EIF4E: variants seen among roughly 807,000 people sequenced by gnomAD.
EIF4E encodes the protein eukaryotic translation initiation factor 4E, also known as eIF-4F 25 kDa subunit.
For missense variants in EIF4E, 113 were observed against 265.6 expected (o/e 0.43, Z 3.99); for synonymous variants, 71 against 88.5 (o/e 0.80, Z 1.11).
At chr4:98,909,182 A>G (rs1469598917) in intron 1 of EIF4E, among the ~76,000 whole-genome samples, 1 of 152,222 alleles carries the variant, frequency 6.6e-6, no homozygotes, top group Admixed American at 6.5e-5. Flanking sequence ...AAGCAACTAT[A>G]TAGTGAGTTT....
intron 2 of EIF4E, among the ~76,000 whole-genome samples, chr4:98,899,670 G>A (rs1276529864): frequency 1.3e-5 from 2 of 152,124 alleles, no homozygotes; most frequent in African/African-American, 4.8e-5. Flanking sequence ...AAAATATATG[G>A]TGGTATATCA....
chr4:98,914,988 G>C (rs995861791), intron 1 of EIF4E, among the ~76,000 whole-genome samples: 2 of 152,174 alleles, frequency 1.3e-5, no homozygotes, highest in Non-Finnish European at 2.9e-5. Flanking sequence ...CTGATGCCCA[G>C]GCTGGAGTGC....
At chr4:98,914,361 C>CAAAAAAAAAAAAA (rs1159581783) in intron 1 of EIF4E, among the ~76,000 whole-genome samples, 4 of 34,830 alleles carry the variant, frequency 1.1e-4, no homozygotes, top group African/African-American at 4.2e-4. Flanking sequence ...GACTCCGTCT[C>CAAAAAAAAAAAAA]AAAAAAAAAA....
chr4:98,896,387 T>TGGGGAC (rs896804314), intron 2 of EIF4E, among the ~76,000 whole-genome samples: 8 of 135,832 alleles, frequency 5.9e-5, no homozygotes, highest in African/African-American at 2.2e-4. Flanking sequence ...GGGACAGGGA[T>TGGGGAC]GGGGACAGGG....
At chr4:98,898,442 A>G (rs1724510210) in intron 2 of EIF4E, among the ~76,000 whole-genome samples, 1 of 152,080 alleles carries the variant, frequency 6.6e-6, no homozygotes, top group Non-Finnish European at 1.5e-5. Context: ...CCCCGTCTCT[A>G]TTAGAAACTA....
intron 2 of EIF4E, among the ~76,000 whole-genome samples, chr4:98,892,722 T>C (rs563063003): frequency 6.6e-6 from 1 of 150,448 alleles, no homozygotes; most frequent in Non-Finnish European, 1.5e-5. Flanking sequence ...ACAGGTTGGC[T>C]GATATTTCTC....
At chr4:98,910,756 T>G (rs888078683) in intron 1 of EIF4E, among the ~76,000 whole-genome samples, 4 of 151,552 alleles carry the variant, frequency 2.6e-5, no homozygotes, top group Non-Finnish European at 5.9e-5. Flanking sequence ...TTGAGACAGA[T>G]TCTCACTCTG....
chr4:98,898,111 AAAAAGGGGGGGG>A (rs889889801), intron 2 of EIF4E, among the ~76,000 whole-genome samples: 2 of 151,672 alleles, frequency 1.3e-5, no homozygotes, highest in African/African-American at 4.9e-5. Flanking sequence ...GTGTCCTACG[AAAAAGGGGGGGG>A]AAAAAAGAAA....
intron 1 of EIF4E, among the ~76,000 whole-genome samples, chr4:98,909,233 A>T (rs1350654742): frequency 6.6e-6 from 1 of 152,274 alleles, no homozygotes; most frequent in Non-Finnish European, 1.5e-5. Flanking sequence ...CCCATTGGTC[A>T]AATATCTCAC....
At position 98,901,902 on chromosome 4, in the gene EIF4E, G is replaced by C. The variant is rs780066971; in HGVS notation, c.99C>G (p.His33Gln). The C allele has an allele frequency of 1.9e-6, 3 of 1,612,246 alleles. No homozygotes were observed. In the African/African-American group the frequency reaches 4.0e-5, roughly 22 times the overall value. ...TGTTCTGTAGGGGATGTTTAATATA[G>C]TGTTCTGGGTTAGCAACCTCCTGAT... ...ESNQEVANPE[H>Q]YIKHPLQNRW... is the part of the protein sequence containing the mutation. Residue 33 changes from histidine to glutamine, a missense_variant, in exon 2 of 7, where the codon CAC becomes CAG. His to Gln is a conservative substitution (Grantham distance 24). Coordinates refer to ENST00000450253, the MANE Select transcript of EIF4E (RefSeq NM_001968.5).
Position 98,916,206 on chromosome 4 carries a change from G to A in EIF4E, c.18+12889C>T, listed in dbSNP as rs546129799. On this transcript the variant is annotated intron_variant, in intron 1 of 6. Transcript: ENST00000450253. ...GCTCTGTCTCAAAAAAAAAGTCTAC[G>A]TACTTCCTCAAAGGAATAAGTTAAG... Among the ~76,000 whole-genome samples, 106 of 145,190 alleles carry A rather than the reference G, an allele frequency of 7.3e-4. No individual in the cohort carries two copies. In the South Asian group the frequency reaches 0.019, roughly 26 times the overall value.
At chr4:98,921,225 A>C (rs1202656179) in intron 1 of EIF4E, among the ~76,000 whole-genome samples, 1 of 152,208 alleles carries the variant, frequency 6.6e-6, no homozygotes, top group African/African-American at 2.4e-5. Flanking sequence ...TATACATTTC[A>C]CATATCAATT....
chr4:98,885,384 G>T (rs1364080163), intron 5 of EIF4E, among the ~76,000 whole-genome samples: 4 of 152,118 alleles, frequency 2.6e-5, no homozygotes, highest in African/African-American at 9.7e-5. Flanking sequence ...AATAAAAATA[G>T]CTATTCATGG....
intron 2 of EIF4E, among the ~76,000 whole-genome samples, chr4:98,894,083 C>T (rs1372776191): frequency 1.3e-5 from 2 of 152,194 alleles, no homozygotes; most frequent in Non-Finnish European, 2.9e-5. Flanking sequence ...TTTTTCTGGG[C>T]AGTAGGTTTC....
At chr4:98,910,546 C>A (rs980214091) in intron 1 of EIF4E, among the ~76,000 whole-genome samples, 1 of 152,020 alleles carries the variant, frequency 6.6e-6, no homozygotes, top group Non-Finnish European at 1.5e-5. Flanking sequence ...AATACTTGAT[C>A]AAAATAAGTA....
chr4:98,919,485 T>C (rs66761677), intron 1 of EIF4E, among the ~76,000 whole-genome samples: 13,028 of 151,834 alleles, frequency 0.086, 1,234 homozygotes, highest in East Asian at 0.49. Flanking sequence ...TATCCAGTTA[T>C]ACCTTATAAA....
chr4:98,892,322 AAAAAACAAAAAAACAAAC>A (rs1465876732), intron 2 of EIF4E, among the ~76,000 whole-genome samples: 4 of 114,958 alleles, frequency 3.5e-5, no homozygotes, highest in African/African-American at 8.0e-5. Context: ...ATTCCATCTC[AAAAAACAAAAAAACAAAC>A]AAAAAAAAAA....
At chr4:98,914,802 G>A (rs187810017) in intron 1 of EIF4E, among the ~76,000 whole-genome samples, 3 of 152,218 alleles carry the variant, frequency 2.0e-5, no homozygotes, top group Admixed American at 2.0e-4. Flanking sequence ...GTCAATTTAG[G>A]TTCATCAATT....
At position 98,880,924 on chromosome 4, in the gene EIF4E, A is replaced by C; in HGVS notation, c.*104T>G. ...CTGAGTAACATTAAGATGGAAATCA[A>C]ATTTAAATGCAGTCCACTCTGCTTT... On this transcript the variant is annotated 3_prime_UTR_variant, in exon 7 of 7. Transcript: ENST00000450253. 6.5e-7 allele frequency: 1 copy of C among 1,534,310 alleles called. No homozygotes were observed. Among genetic ancestry groups the C allele is most frequent in the Non-Finnish European group, 8.8e-7 (1 of 1,134,608 alleles).
Sources: allele counts gnomAD v4.1 joint callset (sites outside exome capture counted in the v4.1 genomes callset), GRCh38; gene constraint gnomAD v4.1.1; transcripts MANE v1.5; gene names NCBI Gene and HGNC (gene_info 2026-07-23, HGNC 2026-07-21).